Variants in ANKRD35 observed in about 807,000 individuals in gnomAD.
ANKRD35 encodes ankyrin repeat domain 35, also known as ankyrin repeat domain-containing protein 35.
Under a neutral mutation model 109.9 loss-of-function variants are expected in ANKRD35, and 102 were observed. The ratio of observed to expected loss-of-function variants is 0.93; its 90% CI spans 0.79 to 1.09. ANKRD35 has a LOEUF of 1.09. Among genes scored for constraint, ANKRD35 ranks in the 50% least tolerant of loss-of-function variants. The pLI, the probability that ANKRD35 is intolerant of heterozygous loss-of-function variation, is 0.00. For missense variants in ANKRD35, 1,240 were observed against 1,230.1 expected (o/e 1.01, Z -0.12); for synonymous variants, 515 against 512.4 (o/e 1.01, Z -0.07).
At chr1:145,879,164 A>G in intron 2 of ANKRD35, 94 bp downstream of exon 2, 2 of 1,376,146 alleles carry the variant, frequency 1.5e-6, no homozygotes, top group South Asian at 1.9e-5. Context: ...AGAGCTCTGA[A>G]GTTGTAGGCA....
At chr1:145,876,964 A>G in intron 4 of ANKRD35, 91 bp from the exon 5 acceptor site, 7 of 1,375,274 alleles carry the variant, frequency 5.1e-6, no homozygotes. Context: ...CCATGGTAAT[A>G]TGAGGAGGGG....
intron 1 of ANKRD35, among the ~76,000 whole-genome samples, chr1:145,883,018 A>G (rs72475586): frequency 0.012 from 1,857 of 152,156 alleles, 36 homozygotes; most frequent in African/African-American, 0.036. Flanking sequence ...GGTGAGTGGA[A>G]ACAGAAAGGG....
rs201892646 is a variant in ANKRD35 at position 145,872,589 on chromosome 1, T to G, written c.2180A>C (p.Glu727Ala). 231 of 1,612,916 alleles carry G rather than the reference T, an allele frequency of 1.4e-4. No homozygotes were observed. The highest frequency in any genetic ancestry group is 1.9e-4 in the Non-Finnish European group (219 of 1,179,494). ...SAQSKAAESL[E>A]ELRACISTLV... ...GGTGCTGATGCAGGCCCGCAGCTCC[T>G]CCAGGGACTCCGCTGCTTTGCTTTG... is the stretch of plus-strand genomic sequence containing the variant. Residue 727 changes from glutamate to alanine, a missense_variant, in exon 10 of 14, where the codon GAG becomes GCG. Coordinates refer to ENST00000355594, the MANE Select transcript of ANKRD35 (RefSeq NM_144698.5).
chr1:145,868,131 G>C, intron 11 of ANKRD35, 75 bp from the exon 12 acceptor site: 1 of 1,534,628 alleles, frequency 6.5e-7, no homozygotes, highest in Non-Finnish European at 9.0e-7. Context: ...ACAATGAAGT[G>C]GTCAGCAGTA....
chr1:145,873,682 G>T lies in ANKRD35; in HGVS notation c.1087C>A (p.Arg363=), dbSNP rs150927897. The change falls in exon 10 of 14, where the codon CGG becomes AGG. Residue 363 remains arginine (R), a synonymous_variant. Transcript: ENST00000355594. ...TGCTCCATGCCATCCCCTCCAGGCCGGAGACTAGAGCCTTGCTTTCCTGAA... is the reference window on the plus strand; with the variant it reads ...TGCTCCATGCCATCCCCTCCAGGCCTGAGACTAGAGCCTTGCTTTCCTGAA... ...RASGKQGSSL[R]PGGDGMEQGC... 23 of 1,613,948 alleles carry T rather than the reference G, an allele frequency of 1.4e-5. No individual in the cohort carries two copies. Among genetic ancestry groups the T allele is most frequent in the Non-Finnish European group, 1.9e-5 (22 of 1,180,002 alleles).
At chr1:145,879,491 C>A in intron 1 of ANKRD35, 103 bp from the exon 2 acceptor site, 1 of 1,274,892 alleles carries the variant, frequency 7.8e-7, no homozygotes, top group Non-Finnish European at 1.0e-6. Context: ...AAGGAACATC[C>A]CTTTTTCTCT....
Position 145,878,433 on chromosome 1 carries a change from G to A in ANKRD35, c.217C>T (p.Leu73=). Residue 73 remains leucine, a synonymous_variant, in exon 3 of 14, where the codon CTG becomes TTG. Transcript: ENST00000355594. ...TTGATGTCAGCCCCATTTGCAAGCA[G>A]GATAGTCAGACATTCTGTCAGGCCT... ...SKGLTECLTI[L]LANGADINSK... is the part of the protein sequence containing the mutation. The A allele has an allele frequency of 1.3e-6, 2 of 1,573,284 alleles. No individual in the cohort carries two copies. Among genetic ancestry groups the A allele is most frequent in the Non-Finnish European group, 1.7e-6 (2 of 1,158,282 alleles).
chr1:145,877,825 G>A (rs1654137061), intron 4 of ANKRD35, 143 bp downstream of exon 4: 2 of 743,004 alleles, frequency 2.7e-6, no homozygotes, highest in Non-Finnish European at 4.4e-6. Flanking sequence ...ATAAATGTTG[G>A]CAAACAAATG....
At chr1:145,876,090 C>G (rs1481508557) in intron 7 of ANKRD35, 50 bp downstream of exon 7, 1 of 1,545,548 alleles carries the variant, frequency 6.5e-7, no homozygotes, top group African/African-American at 1.4e-5. Flanking sequence ...TGGCTTCTTT[C>G]TAAATTGGTC....
At position 145,872,471 on chromosome 1, in the gene ANKRD35, C is replaced by CT; in HGVS notation, c.2297dup (p.Pro767AlafsTer57). On this transcript the variant is annotated frameshift_variant, in exon 10 of 14. Coordinates refer to ENST00000355594, the MANE Select transcript of ANKRD35 (RefSeq NM_144698.5). LOFTEE classifies it high-confidence loss of function. Reference sequence around the variant, plus strand: ...CTGGGGCCTTTAAGGAGGTGCCTGGCTCCCTACACGGGGACAAGGACCCCC... The same window carrying CT: ...CTGGGGCCTTTAAGGAGGTGCCTGGCTTCCCTACACGGGGACAAGGACCCCC... The CT allele has an allele frequency of 6.3e-7, 1 of 1,599,914 alleles. No homozygotes were observed. Among genetic ancestry groups the CT allele is most frequent in the South Asian group, 1.1e-5 (1 of 89,278 alleles).
chr1:145,867,073 G>A (rs1286142171), intron 13 of ANKRD35, among the ~76,000 whole-genome samples: 1 of 152,026 alleles, frequency 6.6e-6, no homozygotes, highest in Non-Finnish European at 1.5e-5. Context: ...CATCTCATAA[G>A]TCAGCCCCCT....
intron 10 of ANKRD35, among the ~76,000 whole-genome samples, 154 bp from the exon 11 acceptor site, chr1:145,868,554 G>A (rs1553738107): frequency 1.3e-5 from 2 of 152,146 alleles, no homozygotes; most frequent in African/African-American, 4.8e-5. Flanking sequence ...TCTGTGTGGT[G>A]TTCACTAAAA....
intron 7 of ANKRD35, among the ~76,000 whole-genome samples, chr1:145,875,666 A>G (rs1175242042): frequency 6.6e-6 from 1 of 151,986 alleles, no homozygotes; most frequent in Non-Finnish European, 1.5e-5. Context: ...CTCCTGCCTC[A>G]GCCTCCCGAG....
intron 10 of ANKRD35, 25 bp downstream of exon 10, chr1:145,871,957 C>T: frequency 1.2e-6 from 2 of 1,604,966 alleles, no homozygotes; most frequent in East Asian, 4.5e-5. Flanking sequence ...CCCCAGTGCT[C>T]CCCAGGGCTA....
At chr1:145,875,149 C>CTTTTT in intron 7 of ANKRD35, 143 bp from the exon 8 acceptor site, 1 of 530,290 alleles carries the variant, frequency 1.9e-6, no homozygotes. Flanking sequence ...CTAGACTTCT[C>CTTTTT]TTTTTTTTTT....
intron 1 of ANKRD35, among the ~76,000 whole-genome samples, chr1:145,884,753 G>A (rs1241679810): frequency 6.6e-6 from 1 of 151,410 alleles, no homozygotes; most frequent in Non-Finnish European, 1.5e-5. Context: ...AGGAAACAGA[G>A]AGTATCATTC....
At chr1:145,867,665 C>T (rs1553737944) in intron 12 of ANKRD35, among the ~76,000 whole-genome samples, 1 of 152,098 alleles carries the variant, frequency 6.6e-6, no homozygotes, top group African/African-American at 2.4e-5. Flanking sequence ...GTTATTATTC[C>T]TAACAAGGGA....
In ANKRD35 at chr1:145,873,188, A is replaced by C; in HGVS notation, c.1581T>G (p.Ala527=). Residue 527 remains alanine, a synonymous_variant, in exon 10 of 14, where the codon GCT becomes GCG. Transcript: ENST00000355594. The part of the protein sequence containing the change: ...VMEGALGTPR[A]EAAAAAWEKM... ...TCTCCCAGGCAGCTGCTGCTGCCTCAGCACGGGGAGTCCCCAGGGCTCCCT... is the reference window on the plus strand; with the variant it reads ...TCTCCCAGGCAGCTGCTGCTGCCTCCGCACGGGGAGTCCCCAGGGCTCCCT... 6.2e-7 allele frequency: 1 copy of C among 1,614,054 alleles called. No homozygotes were observed. The highest frequency in any genetic ancestry group is 1.3e-5 in the African/African-American group (1 of 75,030).
At chr1:145,871,949 C>T (rs369175046) in intron 10 of ANKRD35, 33 bp downstream of exon 10, 15 of 1,602,218 alleles carry the variant, frequency 9.4e-6, no homozygotes, top group African/African-American at 2.7e-5. Context: ...GAAACTTTCC[C>T]CAGTGCTCCC....
Sources: allele counts gnomAD v4.1 joint callset (sites outside exome capture counted in the v4.1 genomes callset), GRCh38; gene constraint gnomAD v4.1.1; transcripts MANE v1.5; gene names NCBI Gene and HGNC (gene_info 2026-07-23, HGNC 2026-07-21).